Variants in TXK observed in about 807,000 individuals in gnomAD.
TXK encodes the protein tyrosine-protein kinase TXK.
In TXK, 60 loss-of-function variants were observed where a neutral mutation model predicts 81.0. That is an observed-to-expected ratio of 0.74 (90% CI 0.60 to 0.92). The LOEUF (loss-of-function observed/expected upper bound fraction) is 0.92. TXK is among the 40% of genes least tolerant of loss of function. The probability of loss-of-function intolerance (pLI) is 0.00; values close to 1 mark genes in which losing one functional copy is unlikely to be tolerated. For synonymous variants in TXK, 203 were observed against 210.7 expected (o/e 0.96, Z 0.32); for missense variants, 581 against 638.3 (o/e 0.91, Z 0.97).
At chr4:48,109,180 G>A (rs948795134) in intron 5 of TXK, among the ~76,000 whole-genome samples, 4 of 102,396 alleles carry the variant, frequency 3.9e-5, no homozygotes, top group South Asian at 6.1e-4. Flanking sequence ...CTGTGGAACT[G>A]CTTTTTTTTT....
At chr4:48,072,554 AAACTCCTGCAAG>A (rs1205637115) in intron 13 of TXK, among the ~76,000 whole-genome samples, 4 of 152,342 alleles carry the variant, frequency 2.6e-5, no homozygotes, top group Non-Finnish European at 5.9e-5. Context: ...TTGATTAGTG[AAACTCCTGCAAG>A]AACTCCTAAT....
rs1295952023 is a variant in TXK at position 48,076,437 on chromosome 4, T to C, written c.1203A>G (p.Thr401=). ...CAAAGTCTGAAATTTTTACTATGCA[T>C]GTTGAACTGACCAAACAATTCCTTG... The part of the protein sequence containing the change: ...LAARNCLVSS[T]CIVKISDFGM... The change falls in exon 12 of 15, where the codon ACA becomes ACG. Residue 401 remains threonine (T), a synonymous_variant. Coordinates refer to ENST00000264316, the MANE Select transcript of TXK (RefSeq NM_003328.3). 4 of 1,613,230 alleles carry C rather than the reference T, an allele frequency of 2.5e-6. No individual in the cohort carries two copies. The highest frequency in any genetic ancestry group is 2.7e-5 in the African/African-American group (2 of 74,890).
chr4:48,124,635 G>A (rs773324182), intron 1 of TXK, among the ~76,000 whole-genome samples: 6 of 151,884 alleles, frequency 4.0e-5, no homozygotes, highest in Non-Finnish European at 8.8e-5. Context: ...AAGCTAAGCT[G>A]ACCGTGACCT....
intron 1 of TXK, among the ~76,000 whole-genome samples, chr4:48,124,836 T>C (rs1487376789): frequency 3.3e-5 from 5 of 152,332 alleles, no homozygotes; most frequent in Non-Finnish European, 2.9e-5. Context: ...AATGTGTTTG[T>C]TTTTTCTTTT....
chr4:48,109,891 T>C (rs1032774436), intron 5 of TXK, among the ~76,000 whole-genome samples: 7 of 152,178 alleles, frequency 4.6e-5, no homozygotes, highest in Non-Finnish European at 8.8e-5. Flanking sequence ...TTAAGATAAG[T>C]GCCCAAGTGG....
chr4:48,093,490 T>C (rs1328201813), intron 8 of TXK, among the ~76,000 whole-genome samples: 1 of 152,234 alleles, frequency 6.6e-6, no homozygotes, highest in Non-Finnish European at 1.5e-5. Flanking sequence ...TGGAACTTTC[T>C]GGGATCCTAC....
At chr4:48,085,921 A>G (rs1423954077) in intron 10 of TXK, among the ~76,000 whole-genome samples, 1 of 152,184 alleles carries the variant, frequency 6.6e-6, no homozygotes, top group Non-Finnish European at 1.5e-5. Flanking sequence ...CCTGGATGCC[A>G]TACAAGGACC....
chr4:48,114,230 TG>T, intron 2 of TXK, 117 bp downstream of exon 2: 1 of 993,532 alleles, frequency 1.0e-6, no homozygotes, highest in South Asian at 1.5e-5. Context: ...AGGGAGAAAA[TG>T]GGAGAAGGTT....
intron 9 of TXK, among the ~76,000 whole-genome samples, 183 bp from the exon 10 acceptor site, chr4:48,086,820 T>G (rs1434368447): frequency 6.6e-6 from 1 of 152,200 alleles, no homozygotes; most frequent in Non-Finnish European, 1.5e-5. Flanking sequence ...GACTCAAGTT[T>G]CAAAACACAA....
intron 1 of TXK, among the ~76,000 whole-genome samples, chr4:48,115,005 G>A (rs1017021840): frequency 6.6e-6 from 1 of 151,088 alleles, no homozygotes; most frequent in Admixed American, 6.6e-5. Context: ...GTCTGGGGAG[G>A]AATCTAGGTA....
intron 5 of TXK, among the ~76,000 whole-genome samples, chr4:48,107,039 C>T (rs531245269): frequency 6.6e-6 from 1 of 151,938 alleles, no homozygotes. Flanking sequence ...CCCTGTCAGG[C>T]ATGTGAAGTA....
intron 1 of TXK, among the ~76,000 whole-genome samples, chr4:48,123,137 G>A (rs962969764): frequency 3.9e-5 from 6 of 152,098 alleles, no homozygotes; most frequent in Non-Finnish European, 8.8e-5. Context: ...TCACTAGCCT[G>A]TTATGTTATT....
intron 5 of TXK, among the ~76,000 whole-genome samples, chr4:48,108,104 T>C (rs1418112353): frequency 1.3e-5 from 2 of 151,994 alleles, no homozygotes; most frequent in East Asian, 1.9e-4. Context: ...AAATTGTACA[T>C]TTATTTGTGG....
At chr4:48,113,077 C>T (rs1718687873) in intron 3 of TXK, 130 bp downstream of exon 3, 2 of 531,150 alleles carry the variant, frequency 3.8e-6, no homozygotes, top group Non-Finnish European at 6.6e-6. Context: ...CATTCCTTCA[C>T]AAATTACTGA....
intron 5 of TXK, among the ~76,000 whole-genome samples, chr4:48,107,530 GTTTAT>G (rs1325751982): frequency 2.6e-5 from 4 of 152,002 alleles, no homozygotes; most frequent in South Asian, 2.1e-4. Flanking sequence ...AAACACTACA[GTTTAT>G]TTTATTTTTT....
intron 9 of TXK, among the ~76,000 whole-genome samples, chr4:48,088,260 C>T (rs1429911055): frequency 6.6e-6 from 1 of 152,182 alleles, no homozygotes; most frequent in Non-Finnish European, 1.5e-5. Flanking sequence ...ACTGTATCTA[C>T]TACATCTAAA....
Position 48,067,558 on chromosome 4 carries a change from G to A in TXK, c.*79C>T. ...CTCTGAAGAAAGATATTCACCATAA[G>A]TGACCCCATATGGTGAAGATATTCA... On this transcript the variant is annotated 3_prime_UTR_variant, in exon 15 of 15. Coordinates refer to ENST00000264316, the MANE Select transcript of TXK (RefSeq NM_003328.3). 7.2e-7 allele frequency: 1 copy of A among 1,397,202 alleles called. No individual in the cohort carries two copies. The highest frequency in any genetic ancestry group is 2.3e-5 in the East Asian group (1 of 43,778). 86.6% of individuals were successfully genotyped at this position (1,397,202 alleles called of 1,614,324 possible). A position where few individuals can be genotyped will look rare whatever the true frequency, so the allele number is the denominator to read the frequency against.
chr4:48,076,526 C>T, intron 11 of TXK, 60 bp from the exon 12 acceptor site: 1 of 1,472,120 alleles, frequency 6.8e-7, no homozygotes, highest in Admixed American at 1.8e-5. Flanking sequence ...AGAGTTTTTC[C>T]TCTCCTTTTC....
chr4:48,129,078 G>A (rs1259440003), intron 1 of TXK, among the ~76,000 whole-genome samples: 3 of 152,048 alleles, frequency 2.0e-5, no homozygotes, highest in Non-Finnish European at 4.4e-5. Context: ...CCCACACCAA[G>A]GAGAGGGGAA....
Sources: allele counts gnomAD v4.1 joint callset (sites outside exome capture counted in the v4.1 genomes callset), GRCh38; gene constraint gnomAD v4.1.1; transcripts MANE v1.5; gene names NCBI Gene and HGNC (gene_info 2026-07-23, HGNC 2026-07-21).